Variants in SLC5A6 observed in about 807,000 individuals in gnomAD.
SLC5A6 encodes sodium-dependent multivitamin transporter.
Under a neutral mutation model 67.9 loss-of-function variants are expected in SLC5A6, and 31 were observed. The observed-to-expected ratio is 0.46, with a 90% CI of 0.34 to 0.62. The LOEUF is 0.62. SLC5A6 is among the 20% of genes least tolerant of loss of function. The pLI, the probability that SLC5A6 is intolerant of heterozygous loss-of-function variation, is 0.01. For missense variants in SLC5A6, 673 were observed against 812.8 expected, an observed-to-expected ratio of 0.83 and a Z score of 2.09; for synonymous variants, 343 against 331.0, an observed-to-expected ratio of 1.04 and a Z score of -0.39.
intron 9 of SLC5A6, among the ~76,000 whole-genome samples, 176 bp downstream of exon 9, chr2:27,204,285 T>C (rs1673882088): frequency 1.3e-5 from 2 of 152,014 alleles, no homozygotes; most frequent in African/African-American, 4.8e-5. Context: ...GGTTAGGTGA[T>C]GCTAGGGACC....
chr2:27,203,716 A>C, intron 10 of SLC5A6, 63 bp downstream of exon 10: 1 of 1,232,336 alleles, frequency 8.1e-7, no homozygotes, highest in African/African-American at 1.5e-5. Flanking sequence ...CGCTCCACCC[A>C]TCACCTTGTA....
upstream of SLC5A6, chr2:27,212,397 C>G (rs201763328): frequency 1.9e-5 from 29 of 1,551,356 alleles, no homozygotes; most frequent in East Asian, 6.3e-4. Flanking sequence ...GGTAGTCTTA[C>G]GACCCTGGTG....
In SLC5A6 at chr2:27,205,338, G is replaced by C; in HGVS notation, c.734+12C>G. On this transcript the variant is annotated intron_variant, in intron 7 of 16. Coordinates refer to ENST00000310574, the MANE Select transcript of SLC5A6 (RefSeq NM_021095.4). ...CACTGCAGACCCCAGCCAGGAGTAG[G>C]GGTATACTTACTCAAACCCAGAGAT... 1 of 1,613,676 alleles carries C rather than the reference G, an allele frequency of 6.2e-7. No individual in the cohort carries two copies.
Position 27,207,232 on chromosome 2 carries a change from C to A in SLC5A6, c.393+26G>T. On this transcript the variant is annotated intron_variant, in intron 3 of 16. Coordinates refer to ENST00000310574, the MANE Select transcript of SLC5A6 (RefSeq NM_021095.4). This position sits in a 1 kb window ranked among gnomAD's most constrained non-coding sequence, Gnocchi z 5.5. The stretch of plus-strand genomic sequence containing the variant: ...TCTCCACCCCAACCCGTGTCCCACG[C>A]ACTTCTCCCTTCTGTCCCTGCTCAC... 2 of 1,609,020 alleles carry A rather than the reference C, an allele frequency of 1.2e-6. No homozygotes were observed. Among genetic ancestry groups the A allele is most frequent in the South Asian group, 2.2e-5 (2 of 90,686 alleles).
chr2:27,201,055 G>A lies in SLC5A6; in HGVS notation c.1707C>T (p.Leu569=). 1 of 1,613,952 alleles carries A rather than the reference G, an allele frequency of 6.2e-7. No individual in the cohort carries two copies. The highest frequency in any genetic ancestry group is 8.5e-7 in the Non-Finnish European group (1 of 1,179,952). ...PATIYPVLPK[L]LSLLPLSCQK... is the part of the protein sequence containing the mutation. ...GACAGGACAACGGAAGGAGGGACAG[G>A]AGCTTTGGCAACACTGGGTAAATGG... Residue 569 remains leucine (L), a synonymous_variant, in exon 16 of 17, where the codon CTC becomes CTT. Coordinates refer to ENST00000310574, the MANE Select transcript of SLC5A6 (RefSeq NM_021095.4).
chr2:27,202,886 G>A lies in SLC5A6; in HGVS notation c.1208-6C>T, dbSNP rs779770764. 1.2e-6 allele frequency: 2 copies of A among 1,613,640 alleles called. No homozygotes were observed. The highest frequency in any genetic ancestry group is 1.7e-6 in the Non-Finnish European group (2 of 1,179,900). ...AAGCAGCCCATAGCCAAAGGCTGGG[G>A]GAAAAGGACAGGAGAGGAAACAAGA... On this transcript the variant is annotated splice_polypyrimidine_tract_variant and splice_region_variant and intron_variant, in intron 11 of 16. Coordinates refer to ENST00000310574, the MANE Select transcript of SLC5A6 (RefSeq NM_021095.4).
Position 27,212,039 on chromosome 2 carries a change from C to G in SLC5A6, c.-227G>C, listed in dbSNP as rs1031137353. 5 of 891,578 alleles carry G rather than the reference C, an allele frequency of 5.6e-6. No individual in the cohort carries two copies. The highest frequency in any genetic ancestry group is 7.7e-5 in the Admixed American group (2 of 25,990). The allele number at this position is 891,578 out of a possible 1,614,324, so 55.2% of individuals were successfully genotyped here. A position where few individuals can be genotyped will look rare whatever the true frequency, so the allele number is the denominator to read the frequency against. ...GTTTACTGAGGGCGGATGGAGGGGC[C>G]CGAGTTTCTGCGAAGCCGCGACCTC... is the stretch of plus-strand genomic sequence containing the variant. On this transcript the variant is annotated 5_prime_UTR_variant, in exon 1 of 17. Transcript: ENST00000310574.
At chr2:27,209,403 T>C (rs901048775) in intron 2 of SLC5A6, among the ~76,000 whole-genome samples, 5 of 152,294 alleles carry the variant, frequency 3.3e-5, no homozygotes, top group Non-Finnish European at 5.9e-5. Flanking sequence ...TTAGTAATAA[T>C]ACATAATGAA....
At chr2:27,202,503 C>CAAA (rs10638396) in intron 12 of SLC5A6, among the ~76,000 whole-genome samples, 5,419 of 72,196 alleles carry the variant, frequency 0.075, 1,160 homozygotes, top group African/African-American at 0.26. Flanking sequence ...GACTCTGTCT[C>CAAA]AAAAAAAAAA....
rs768457205 is a variant in SLC5A6, at chr2:27,204,519, A to T, written c.947T>A (p.Phe316Tyr). The T allele has an allele frequency of 6.2e-7, 1 of 1,614,024 alleles. No homozygotes were observed. Reference protein sequence around the residue: ...CVGCLIGLVMFAYYQEYPMSI... With the variant: ...CVGCLIGLVMYAYYQEYPMSI... Reference sequence around the variant, plus strand: ...CATGGGATACTCCTGGTAATACGCGAACATGACCAGGCCAATGAGGCAGCC... The same window carrying T: ...CATGGGATACTCCTGGTAATACGCGTACATGACCAGGCCAATGAGGCAGCC... Residue 316 changes from phenylalanine to tyrosine, a missense_variant, in exon 9 of 17, where the codon TTC becomes TAC. Physicochemically the swap from Phe to Tyr is conservative, Grantham distance 22. Transcript: ENST00000310574.
chr2:27,205,975 C>T lies in SLC5A6; in HGVS notation c.579+51G>A, dbSNP rs757364507. On this transcript the variant is annotated intron_variant, in intron 6 of 16. Transcript: ENST00000310574. ...TTCTTTTCCTTCTCTTCCCATGTCC[C>T]CTCCTTACTTCATCCCTTCCCCTCC... The T allele has an allele frequency of 2.2e-5, 30 of 1,339,098 alleles. No individual in the cohort carries two copies. In the South Asian group the frequency reaches 3.4e-4, roughly 15 times the overall value. The allele number at this position is 1,339,098 out of a possible 1,614,324, so 83.0% of individuals were successfully genotyped here.
At chr2:27,211,232 C>T (rs191476357) in intron 2 of SLC5A6, among the ~76,000 whole-genome samples, 3 of 152,280 alleles carry the variant, frequency 2.0e-5, no homozygotes, top group Non-Finnish European at 4.4e-5. Flanking sequence ...GCTACTAACA[C>T]CTTAGAAAAT....
chr2:27,204,652 CCCTGACCTCCAGAAAGGAGACCCACAT>C, intron 8 of SLC5A6, 62 bp from the exon 9 acceptor site: 1 of 1,602,178 alleles, frequency 6.2e-7, no homozygotes. Flanking sequence ...AGGTGTGTGC[CCCTGACCTCCAGAAAGGAGACCCACAT>C]CCTGACCACA....
intron 5 of SLC5A6, 31 bp from the exon 6 acceptor site, chr2:27,206,124 T>A: frequency 1.2e-6 from 2 of 1,606,668 alleles, no homozygotes; most frequent in Middle Eastern, 3.3e-4. Context: ...TTCTTATCCC[T>A]GGAAAAGGGT....
Position 27,205,522 on chromosome 2 carries a change from C to T in SLC5A6, c.580-18G>A, listed in dbSNP as rs552557890. On this transcript the variant is annotated intron_variant, in intron 6 of 16. Coordinates refer to ENST00000310574, the MANE Select transcript of SLC5A6 (RefSeq NM_021095.4). ...AGCCCACCCTGCAAGGAAAGCACAG[C>T]AAACCTGCCACAGAGGCCTTCTAAA... The T allele has an allele frequency of 6.2e-7, 1 of 1,613,978 alleles. No individual in the cohort carries two copies. Among genetic ancestry groups the T allele is most frequent in the Admixed American group, 1.7e-5 (1 of 59,986 alleles).
rs781653952 is a variant in SLC5A6, at chr2:27,206,498, A to G, written c.496T>C (p.Leu166=). 3.1e-6 allele frequency: 5 copies of G among 1,614,190 alleles called. No individual in the cohort carries two copies. Among genetic ancestry groups the G allele is most frequent in the Non-Finnish European group, 4.2e-6 (5 of 1,180,024 alleles). ...GACTCCTCACCTGCATTGAGAGCCA[A>G]TGACGGAGCATAGAGCACAACTCCC... ...YMGVVLYAPS[L]ALNAVTGFDL... is the part of the protein sequence containing the mutation. The change falls in exon 5 of 17, where the codon TTG becomes CTG. Residue 166 remains leucine (L), a synonymous_variant. Transcript: ENST00000310574.
intron 11 of SLC5A6, 154 bp downstream of exon 11, chr2:27,203,079 A>G (rs1210132760): frequency 1.7e-5 from 26 of 1,495,864 alleles, no homozygotes; most frequent in Non-Finnish European, 2.3e-5. Flanking sequence ...ATGCCCTGAG[A>G]TGGAAACAAC....
At chr2:27,204,685 C>T in intron 8 of SLC5A6, 95 bp from the exon 9 acceptor site, 2 of 1,590,470 alleles carry the variant, frequency 1.3e-6, no homozygotes, top group Admixed American at 1.7e-5. Context: ...CACATCCTGA[C>T]CACAGTGGAT....
upstream of SLC5A6, chr2:27,212,748 GT>G (rs1572409213): frequency 6.3e-6 from 6 of 945,552 alleles, no homozygotes; most frequent in East Asian, 2.0e-4. Flanking sequence ...TCTGCCTCTT[GT>G]GTAATCTCTC....
Sources: allele counts gnomAD v4.1 joint callset (sites outside exome capture counted in the v4.1 genomes callset), GRCh38; gene constraint gnomAD v4.1.1; non-coding constraint Gnocchi (gnomAD v3.1); transcripts MANE v1.5; gene names NCBI Gene and HGNC (gene_info 2026-07-23, HGNC 2026-07-21).